C4orf46: variants seen among roughly 807,000 people sequenced by gnomAD.
The protein encoded by C4orf46 is chromosome 4 open reading frame 46.
Under a neutral mutation model 9.1 loss-of-function variants are expected in C4orf46, and 8 were observed. The ratio of observed to expected loss-of-function variants is 0.88; its 90% CI spans 0.52 to 1.59. The LOEUF is 1.59. Among genes scored for constraint, C4orf46 ranks in the 40% most tolerant of loss-of-function variants. The probability of loss-of-function intolerance (pLI) is 0.00; values close to 1 mark genes in which losing one functional copy is unlikely to be tolerated. For missense variants in C4orf46, 151 were observed against 139.1 expected, an observed-to-expected ratio of 1.09 and a Z score of -0.43; for synonymous variants, 51 against 58.8, an observed-to-expected ratio of 0.87 and a Z score of 0.61.
intron 1 of C4orf46, among the ~76,000 whole-genome samples, chr4:158,670,085 G>T (rs373477315): frequency 3.5e-5 from 5 of 141,782 alleles, no homozygotes; most frequent in Non-Finnish European, 7.5e-5. Flanking sequence ...GTGCAATGGC[G>T]CGATCTTGGT....
chr4:158,669,548 G>A lies in C4orf46; in HGVS notation c.*65C>T. The A allele has an allele frequency of 3.9e-6, 6 of 1,519,162 alleles. No individual in the cohort carries two copies. Among genetic ancestry groups the A allele is most frequent in the East Asian group, 2.3e-5 (1 of 44,312 alleles). The allele number at this position is 1,519,162 out of a possible 1,614,324, so 94.1% of individuals were successfully genotyped here. A position where few individuals can be genotyped will look rare whatever the true frequency, so the allele number is the denominator to read the frequency against. ...AGGTCATCCTATATGTGTGGTACAT[G>A]TACAAAATATGACATAAGAAGTATG... On this transcript the variant is annotated 3_prime_UTR_variant, in exon 2 of 2. Transcript: ENST00000379205.
chr4:158,667,852 C>T lies in C4orf46; in HGVS notation c.*1761G>A, dbSNP rs911528972. Reference sequence around the variant, plus strand: ...CCAGGAGGCCAGGGATCACTGGGGCCATCTGGAAGCTGGCTACCACATATA... The same window carrying T: ...CCAGGAGGCCAGGGATCACTGGGGCTATCTGGAAGCTGGCTACCACATATA... On this transcript the variant is annotated 3_prime_UTR_variant, in exon 2 of 2. Coordinates refer to ENST00000379205, the MANE Select transcript of C4orf46 (RefSeq NM_001008393.4). The T allele has an allele frequency of 1.3e-5, 2 of 152,122 alleles. No homozygotes were observed. The highest frequency in any genetic ancestry group is 6.5e-5 in the Admixed American group (1 of 15,274). 9.4% of individuals were successfully genotyped at this position (152,122 alleles called of 1,614,324 possible).
intron 1 of C4orf46, among the ~76,000 whole-genome samples, chr4:158,671,183 C>T (rs1428881677): frequency 6.6e-6 from 1 of 152,198 alleles, no homozygotes; most frequent in Non-Finnish European, 1.5e-5. Flanking sequence ...ATCTCAAGTA[C>T]CCACAGAAAG....
rs1773419527 is a variant in C4orf46, at chr4:158,667,768, G to T, written c.*1845C>A. On this transcript the variant is annotated 3_prime_UTR_variant, in exon 2 of 2. Coordinates refer to ENST00000379205, the MANE Select transcript of C4orf46 (RefSeq NM_001008393.4). ...ACACACTGCATTTGCTCAATATCCT[G>T]GTAGTTACAAAAGTCAGCACTGTAA... 6.6e-6 allele frequency: 1 copy of T among 151,958 alleles called. No homozygotes were observed. The highest frequency in any genetic ancestry group is 2.4e-5 in the African/African-American group (1 of 41,386). 9.4% of individuals were successfully genotyped at this position (151,958 alleles called of 1,614,324 possible). A position where few individuals can be genotyped will look rare whatever the true frequency, so the allele number is the denominator to read the frequency against.
In C4orf46 at chr4:158,671,694, A is replaced by T; in HGVS notation, c.108T>A (p.Ser36Arg). Residue 36 changes from serine to arginine, a missense_variant, in exon 1 of 2, where the codon AGT becomes AGA. Physicochemically the swap from Ser to Arg is moderately radical, Grantham distance 110. Transcript: ENST00000379205. ...SAASSPGGPV[S>R]LGWPVPSRSS... Reference sequence around the variant, plus strand: ...TCCTGCTCGGAACTGGCCAGCCCAAACTCACTGGGCCGCCCGGGGAAGATG... The same window carrying T: ...TCCTGCTCGGAACTGGCCAGCCCAATCTCACTGGGCCGCCCGGGGAAGATG... 5.0e-6 allele frequency: 8 copies of T among 1,611,846 alleles called. No individual in the cohort carries two copies. Among genetic ancestry groups the T allele is most frequent in the Non-Finnish European group, 6.8e-6 (8 of 1,179,048 alleles).
chr4:158,672,031 A>C, upstream of C4orf46: 1 of 550,532 alleles, frequency 1.8e-6, no homozygotes. Context: ...CGAGCCTCCA[A>C]TCGATCTCGA....
At chr4:158,671,927 C>T, upstream of C4orf46, 2 of 757,890 alleles carry the variant, frequency 2.6e-6, no homozygotes, top group Non-Finnish European at 4.2e-6. Context: ...CCAGTCTCCT[C>T]GTGGGTCTCA....
At position 158,667,976 on chromosome 4, in the gene C4orf46, C is replaced by T. The variant is rs921123731; in HGVS notation, c.*1637G>A. The stretch of plus-strand genomic sequence containing the variant: ...CCCCTCTAGTGGTTACCTCTGGGGA[C>T]TCTGGGGAGGGAGGAACGGGACAGG... On this transcript the variant is annotated 3_prime_UTR_variant, in exon 2 of 2. Coordinates refer to ENST00000379205, the MANE Select transcript of C4orf46 (RefSeq NM_001008393.4). 3 of 152,116 alleles carry T rather than the reference C, an allele frequency of 2.0e-5. No individual in the cohort carries two copies. Among genetic ancestry groups the T allele is most frequent in the African/African-American group, 7.2e-5 (3 of 41,402 alleles). The allele number at this position is 152,116 out of a possible 1,614,324, so 9.4% of individuals were successfully genotyped here.
intron 1 of C4orf46, among the ~76,000 whole-genome samples, chr4:158,670,212 AG>A (rs1297582561): frequency 6.6e-6 from 1 of 151,776 alleles, no homozygotes; most frequent in African/African-American, 2.4e-5. Flanking sequence ...TAGTAGAAAC[AG>A]GGTTTCTCCA....
chr4:158,671,115 G>C (rs565560912), intron 1 of C4orf46, among the ~76,000 whole-genome samples: 1 of 152,194 alleles, frequency 6.6e-6, no homozygotes, highest in Non-Finnish European at 1.5e-5. Flanking sequence ...GCTGTCCCTG[G>C]GCAGGTGGCC....
At chr4:158,671,506 C>T in intron 1 of C4orf46, 110 bp downstream of exon 1, 4 of 1,161,358 alleles carry the variant, frequency 3.4e-6, no homozygotes, top group Non-Finnish European at 4.6e-6. Context: ...AAGGGCCGGT[C>T]GTCCCGGGTC....
chr4:158,671,524 T>G, intron 1 of C4orf46, 92 bp downstream of exon 1: 2 of 1,305,088 alleles, frequency 1.5e-6, no homozygotes, highest in Non-Finnish European at 2.0e-6. Flanking sequence ...GTCATGGGGG[T>G]TGGGGGACCG....
In C4orf46 at chr4:158,668,692, T is replaced by C. The variant is rs1228519097; in HGVS notation, c.*921A>G. The C allele has an allele frequency of 6.6e-6, 1 of 152,246 alleles. No homozygotes were observed. Among genetic ancestry groups the C allele is most frequent in the African/African-American group, 2.4e-5 (1 of 41,472 alleles). The allele number at this position is 152,246 out of a possible 1,614,324, so 9.4% of individuals were successfully genotyped here. On this transcript the variant is annotated 3_prime_UTR_variant, in exon 2 of 2. Transcript: ENST00000379205. Reference sequence around the variant, plus strand: ...CAAAGTAACTTCTTTAGAATTATTATGTACACAACTTGCAAAGCTCAAAAA... The same window carrying C: ...CAAAGTAACTTCTTTAGAATTATTACGTACACAACTTGCAAAGCTCAAAAA...
At chr4:158,671,932 G>T, upstream of C4orf46, 1 of 723,252 alleles carries the variant, frequency 1.4e-6, no homozygotes, top group Non-Finnish European at 2.2e-6. Flanking sequence ...CTCCTCGTGG[G>T]TCTCAGCCCC....
chr4:158,671,994 C>T (rs1441527078), upstream of C4orf46: 3 of 563,546 alleles, frequency 5.3e-6, no homozygotes, highest in Non-Finnish European at 9.5e-6. Flanking sequence ...TGAGTCAATT[C>T]ACCTTAGGCA....
rs770056558 is a variant in C4orf46 at position 158,671,784 on chromosome 4, C to T, written c.18G>A (p.Glu6=). 1.9e-6 allele frequency: 3 copies of T among 1,548,048 alleles called. No individual in the cohort carries two copies. Among genetic ancestry groups the T allele is most frequent in the South Asian group, 2.4e-5 (2 of 83,642 alleles). The change falls in exon 1 of 2, where the codon GAG becomes GAA. Residue 6 remains glutamate, a synonymous_variant. Transcript: ENST00000379205. MADPE[E]LQVSSPPPPP... is the part of the protein sequence containing the mutation. ...GCGGGGGCGGCGAAGAAACCTGCAACTCCTCAGGGTCGGCCATGGGGAAGG... is the reference window on the plus strand; with the variant it reads ...GCGGGGGCGGCGAAGAAACCTGCAATTCCTCAGGGTCGGCCATGGGGAAGG...
In C4orf46 at chr4:158,671,662, C is replaced by T. The variant is rs1303403286; in HGVS notation, c.140G>A (p.Gly47Asp). ...TTCCTCCAGCTGGTCCACCGTTGGGCCGCTGCTCCTGCTCGGAACTGGCCA... is the reference window on the plus strand; with the variant it reads ...TTCCTCCAGCTGGTCCACCGTTGGGTCGCTGCTCCTGCTCGGAACTGGCCA... ...LGWPVPSRSS[G>D]PTVDQLEEVE... Residue 47 changes from glycine (G) to aspartate (D), a missense_variant, in exon 1 of 2, where the codon GGC (glycine) becomes GAC (aspartate). Gly to Asp is a moderately conservative substitution (Grantham distance 94). Transcript: ENST00000379205. The T allele has an allele frequency of 6.2e-6, 10 of 1,603,964 alleles. 1 individual carries two copies. In the East Asian group the frequency reaches 2.3e-4, roughly 36 times the overall value.
rs1246915914 is a variant in C4orf46 at position 158,668,307 on chromosome 4, T to C, written c.*1306A>G. 2.0e-5 allele frequency: 3 copies of C among 152,672 alleles called. No homozygotes were observed. The highest frequency in any genetic ancestry group is 4.4e-5 in the Non-Finnish European group (3 of 68,040). 9.5% of individuals were successfully genotyped at this position (152,672 alleles called of 1,614,324 possible). On this transcript the variant is annotated 3_prime_UTR_variant, in exon 2 of 2. Coordinates refer to ENST00000379205, the MANE Select transcript of C4orf46 (RefSeq NM_001008393.4). The stretch of plus-strand genomic sequence containing the variant: ...TATTTTTCTAATACTGAAATAAGCA[T>C]ATCTTTGGTATAGAAATCACACCCT...
chr4:158,669,603 G>A lies in C4orf46; in HGVS notation c.*10C>T, dbSNP rs371769723. The A allele has an allele frequency of 1.2e-6, 2 of 1,611,230 alleles. No homozygotes were observed. Among genetic ancestry groups the A allele is most frequent in the Admixed American group, 1.7e-5 (1 of 59,778 alleles). On this transcript the variant is annotated 3_prime_UTR_variant, in exon 2 of 2. Coordinates refer to ENST00000379205, the MANE Select transcript of C4orf46 (RefSeq NM_001008393.4). ...ATTGCAGTCATTATTAAACAACGAA[G>A]TATGCCAAATCAGTCATCAGGTTTC...
Sources: gnomAD v4.1 joint callset for allele counts (sites outside exome capture counted in the v4.1 genomes callset) on GRCh38, gnomAD v4.1.1 for gene constraint, MANE v1.5 for transcripts, NCBI Gene and HGNC (gene_info 2026-07-23, HGNC 2026-07-21) for gene names.